The following LRP6 variants were observed in gnomAD, a reference collection of about 807,000 sequenced individuals.
LRP6 encodes the protein low-density lipoprotein receptor-related protein 6.
Under a neutral mutation model 184.1 loss-of-function variants are expected in LRP6, and 43 were observed. That is an observed-to-expected ratio of 0.23 (90% CI 0.18 to 0.30). The LOEUF is 0.30. Among genes scored for constraint, LRP6 ranks in the 10% least tolerant of loss-of-function variants. The probability of loss-of-function intolerance (pLI) is 1.00; values close to 1 mark genes in which losing one functional copy is unlikely to be tolerated. For missense variants in LRP6, 1,571 were observed against 2,005.3 expected (o/e 0.78, Z 4.14); for synonymous variants, 719 against 684.9 (o/e 1.05, Z -0.78).
chr12:12,266,281 A>G (rs902899631), intron 1 of LRP6, among the ~76,000 whole-genome samples: 1 of 152,190 alleles, frequency 6.6e-6, no homozygotes, highest in Non-Finnish European at 1.5e-5. Flanking sequence ...GCTTCGATGG[A>G]TAAGGCCAAC....
chr12:12,234,845 A>G (rs1320203615), intron 2 of LRP6, among the ~76,000 whole-genome samples: 1 of 151,966 alleles, frequency 6.6e-6, no homozygotes, highest in African/African-American at 2.4e-5. Flanking sequence ...AAGAATATAC[A>G]CATTCACATT....
In LRP6 at chr12:12,249,011, G is replaced by C; in HGVS notation, c.56-4356C>G. ...CAAGGTGGCAGCCACCACAGGCTCG[G>C]GGGTAAAAGTCCCTTGCAATTTCCC... On this transcript the variant is annotated intron_variant, in intron 1 of 22. Transcript: ENST00000261349. 3 of 601,562 alleles carry C rather than the reference G, an allele frequency of 5.0e-6. No homozygotes were observed. The South Asian group carries it at 5.5e-5, about 11-fold the overall frequency. 37.3% of individuals were successfully genotyped at this position (601,562 alleles called of 1,614,324 possible). A position where few individuals can be genotyped will look rare whatever the true frequency, so the allele number is the denominator to read the frequency against.
chr12:12,244,273 A>G lies in LRP6; in HGVS notation c.438T>C (p.Asp146=). 6.2e-7 allele frequency: 1 copy of G among 1,614,192 alleles called. No individual in the cohort carries two copies. The highest frequency in any genetic ancestry group is 8.5e-7 in the Non-Finnish European group (1 of 1,180,032). Residue 146 remains aspartate (D), a synonymous_variant, in exon 2 of 23, where the codon GAT becomes GAC. Transcript: ENST00000261349. The part of the protein sequence containing the change: ...ELDQPRAIAL[D]PSSGFMYWTD... ...GTACAAAAACTTACCCACTTGAAGG[A>G]TCTAAGGCAATAGCTCTGGGTTGAT...
chr12:12,260,938 T>C (rs1329925623), intron 1 of LRP6, among the ~76,000 whole-genome samples: 1 of 152,212 alleles, frequency 6.6e-6, no homozygotes, highest in Admixed American at 6.5e-5. Context: ...ATTTTTCCAG[T>C]ATGCGCAAAA....
At chr12:12,259,134 C>A (rs78648987) in intron 1 of LRP6, among the ~76,000 whole-genome samples, 1 of 151,878 alleles carries the variant, frequency 6.6e-6, no homozygotes, top group Non-Finnish European at 1.5e-5. Flanking sequence ...TGATAGTGGG[C>A]GCCTACTAAT....
chr12:12,151,689 T>C (rs1168223262), intron 12 of LRP6, among the ~76,000 whole-genome samples: 1 of 152,068 alleles, frequency 6.6e-6, no homozygotes, highest in Non-Finnish European at 1.5e-5. Context: ...ATTTTTAATG[T>C]TTTTAATAAC....
intron 2 of LRP6, among the ~76,000 whole-genome samples, chr12:12,237,410 C>T (rs1275953231): frequency 6.6e-6 from 1 of 152,060 alleles, no homozygotes; most frequent in Non-Finnish European, 1.5e-5. Context: ...GCAAACATCA[C>T]AGTAATAATT....
At chr12:12,236,098 G>C (rs892273505) in intron 2 of LRP6, among the ~76,000 whole-genome samples, 3 of 151,486 alleles carry the variant, frequency 2.0e-5, no homozygotes, top group Admixed American at 2.0e-4. Flanking sequence ...GTGGTGGCGG[G>C]TGCCTGTAGT....
intron 2 of LRP6, among the ~76,000 whole-genome samples, chr12:12,215,299 A>T (rs1864312409): frequency 6.6e-6 from 1 of 152,244 alleles, no homozygotes; most frequent in African/African-American, 2.4e-5. Flanking sequence ...CTGATCCCTG[A>T]GATTTGAGGG....
chr12:12,257,225 A>G (rs1282513229), intron 1 of LRP6, among the ~76,000 whole-genome samples: 1 of 152,212 alleles, frequency 6.6e-6, no homozygotes, highest in Admixed American at 6.5e-5. Context: ...CGAACTAGAC[A>G]TTGTAAAATG....
chr12:12,127,785 A>G (rs1368259492), intron 19 of LRP6, among the ~76,000 whole-genome samples: 1 of 152,202 alleles, frequency 6.6e-6, no homozygotes, highest in East Asian at 1.9e-4. Flanking sequence ...CAGATCCTTT[A>G]AAAAACTTCC....
chr12:12,250,645 C>CA (rs1865302747), intron 1 of LRP6, among the ~76,000 whole-genome samples: 2 of 152,252 alleles, frequency 1.3e-5, no homozygotes, highest in Admixed American at 1.3e-4. Flanking sequence ...TGTTTTGAGA[C>CA]AAAGTCTCAC....
chr12:12,168,552 G>A (rs1862948635), intron 7 of LRP6, among the ~76,000 whole-genome samples: 1 of 152,138 alleles, frequency 6.6e-6, no homozygotes, highest in East Asian at 1.9e-4. Flanking sequence ...CCAGGATAAG[G>A]AGAATTACAG....
chr12:12,246,114 T>C (rs1348682516), intron 1 of LRP6, among the ~76,000 whole-genome samples: 2 of 149,138 alleles, frequency 1.3e-5, no homozygotes, highest in African/African-American at 5.0e-5. Flanking sequence ...GCAATTCTCC[T>C]GCCTCAGCCT....
chr12:12,254,158 A>AAAG (rs1555126530), intron 1 of LRP6, among the ~76,000 whole-genome samples: 1 of 149,812 alleles, frequency 6.7e-6, no homozygotes, highest in Non-Finnish European at 1.5e-5. Context: ...AAAAAAAAAA[A>AAAG]AAAAAAAGAA....
chr12:12,142,542 T>C (rs764734338), intron 15 of LRP6, among the ~76,000 whole-genome samples: 45 of 151,682 alleles, frequency 3.0e-4, no homozygotes, highest in Admixed American at 1.3e-4. Context: ...TATCTGTGAA[T>C]ACGTAAGAAA....
At chr12:12,193,787 G>A (rs759279636) in intron 3 of LRP6, among the ~76,000 whole-genome samples, 1 of 152,160 alleles carries the variant, frequency 6.6e-6, no homozygotes, top group South Asian at 2.1e-4. Flanking sequence ...AGGAAAAGTT[G>A]TATCAACTGG....
At chr12:12,152,024 C>T (rs1456360039) in intron 12 of LRP6, among the ~76,000 whole-genome samples, 2 of 151,946 alleles carry the variant, frequency 1.3e-5, no homozygotes, top group Admixed American at 6.6e-5. Flanking sequence ...TGGCTGTGTC[C>T]CCACCCAAAT....
chr12:12,219,148 T>G (rs976768641), intron 2 of LRP6, among the ~76,000 whole-genome samples: 1 of 152,132 alleles, frequency 6.6e-6, no homozygotes, highest in Non-Finnish European at 1.5e-5. Context: ...AACAGATTAC[T>G]TGTAGGGCCC....
Sources: allele counts gnomAD v4.1 joint callset (sites outside exome capture counted in the v4.1 genomes callset), GRCh38; gene constraint gnomAD v4.1.1; transcripts MANE v1.5; gene names NCBI Gene and HGNC (gene_info 2026-07-23, HGNC 2026-07-21).